Variants in PCDHGB6 observed in about 807,000 individuals in gnomAD.
PCDHGB6 encodes protocadherin gamma subfamily B, 6.
A neutral mutation model predicts 59.1 loss-of-function variants in PCDHGB6; 51 were observed. The observed-to-expected ratio is 0.86, with a 90% CI of 0.69 to 1.09. The LOEUF is 1.09. Among genes scored for constraint, PCDHGB6 ranks in the 50% least tolerant of loss-of-function variants. The pLI, the probability that PCDHGB6 is intolerant of heterozygous loss-of-function variation, is 0.00. For missense variants in PCDHGB6, 1,148 were observed against 1,205.1 expected (o/e 0.95, Z 0.70); for synonymous variants, 466 against 495.1 (o/e 0.94, Z 0.78).
At position 141,410,235 on chromosome 5, in the gene PCDHGB6, G is replaced by A. The variant is rs753193390; in HGVS notation, c.2033G>A (p.Arg678His). The A allele has an allele frequency of 1.2e-6, 2 of 1,613,970 alleles. No homozygotes were observed. The highest frequency in any genetic ancestry group is 1.1e-5 in the South Asian group (1 of 91,084). ...GAGATACTGCCAGACCTCAGCGACC[G>A]CCCTGTACTCTCTGACCCCCAGGCT... ...LQEILPDLSD[R>H]PVLSDPQAEL... The change falls in exon 1 of 4, where the codon CGC (arginine) becomes CAC (histidine). Residue 678 changes from arginine (R) to histidine (H), a missense_variant. Arg to His is a conservative substitution (Grantham distance 29, BLOSUM62 0). Transcript: ENST00000520790.
At chr5:141,421,449 G>A (rs2096574013) in intron 1 of PCDHGB6, 2 of 1,614,010 alleles carry the variant, frequency 1.2e-6, no homozygotes, top group African/African-American at 1.3e-5. Flanking sequence ...GGAAGACACA[G>A]CTTTTCGCTG....
intron 1 of PCDHGB6, among the ~76,000 whole-genome samples, chr5:141,450,322 T>A (rs1246284108): frequency 6.6e-6 from 1 of 152,106 alleles, no homozygotes; most frequent in African/African-American, 2.4e-5. Context: ...CTAGTTGCCA[T>A]GTCTCTTTAA....
At chr5:141,419,159 T>G in intron 1 of PCDHGB6, 1 of 1,613,916 alleles carries the variant, frequency 6.2e-7, no homozygotes, top group Non-Finnish European at 8.5e-7. Flanking sequence ...TCCGTTATCC[T>G]CCAGCAAAAC....
intron 3 of PCDHGB6, 46 bp downstream of exon 3, chr5:141,505,527 T>C: frequency 6.2e-7 from 1 of 1,612,388 alleles, no homozygotes; most frequent in Non-Finnish European, 8.5e-7. Context: ...GACCTGGGGT[T>C]CTGGGGTGCA....
At position 141,431,580 on chromosome 5, in the gene PCDHGB6, A is replaced by G. The variant is rs777990962; in HGVS notation, c.2418+20960A>G. ...GCTACCGACCCTGACGAAGGAGTCA[A>G]TGCGGAAGTGAGGTATTCCTTCCGG... On this transcript the variant is annotated intron_variant, in intron 1 of 3. Coordinates refer to ENST00000520790, the MANE Select transcript of PCDHGB6 (RefSeq NM_018926.3). The surrounding 1 kb of genome is among the most constrained non-coding windows in gnomAD (Gnocchi z 4.8). 1.2e-5 allele frequency: 19 copies of G among 1,614,098 alleles called. No homozygotes were observed. Among genetic ancestry groups the G allele is most frequent in the Non-Finnish European group, 1.5e-5 (18 of 1,180,040 alleles).
At position 141,485,257 on chromosome 5, in the gene PCDHGB6, T is replaced by G. The variant is rs1251686604; in HGVS notation, c.2419-9550T>G. 1.9e-6 allele frequency: 3 copies of G among 1,614,036 alleles called. No homozygotes were observed. The highest frequency in any genetic ancestry group is 2.5e-6 in the Non-Finnish European group (3 of 1,180,006). ...TCTTTTACCACCTGGGTTACGTTTG[T>G]GGGCAGATCCGCTACCCGGTCCCAG... On this transcript the variant is annotated intron_variant, in intron 1 of 3. Coordinates refer to ENST00000520790, the MANE Select transcript of PCDHGB6 (RefSeq NM_018926.3). The surrounding 1 kb of genome is among the most constrained non-coding windows in gnomAD (Gnocchi z 5.7).
chr5:141,500,571 C>T (rs1171231755), intron 2 of PCDHGB6, among the ~76,000 whole-genome samples: 1 of 152,196 alleles, frequency 6.6e-6, no homozygotes, highest in African/African-American at 2.4e-5. Context: ...GTCACACTTT[C>T]ATGTGACACT....
rs747671382 is a variant in PCDHGB6, at chr5:141,444,152, A to ATTTT, written c.2418+33565_2418+33568dup. Among the ~76,000 whole-genome samples the ATTTT allele has an allele frequency of 5.0e-4, 17 of 33,898 alleles. 5 individuals carry two copies. Among genetic ancestry groups the ATTTT allele is most frequent in the African/African-American group, 7.0e-4 (5 of 7,184 alleles). 22.2% of individuals were successfully genotyped at this position (33,898 alleles called of 152,430 possible). ...GATATGTGTCACTTGTGTGTACTGG[A>ATTTT]TTTTTTTTTTTTTTTTTTTTTTTTT... On this transcript the variant is annotated intron_variant, in intron 1 of 3. Transcript: ENST00000520790.
chr5:141,420,364 A>G (rs942479456), intron 1 of PCDHGB6: 8 of 1,368,440 alleles, frequency 5.8e-6, no homozygotes, highest in African/African-American at 3.0e-5. Flanking sequence ...ATTCTAGATA[A>G]CTTCTTCATA....
chr5:141,497,831 C>T (rs1336808833), intron 2 of PCDHGB6, among the ~76,000 whole-genome samples: 1 of 152,162 alleles, frequency 6.6e-6, no homozygotes, highest in Non-Finnish European at 1.5e-5. Flanking sequence ...TGATCGCCCC[C>T]GGCCACAACA....
Position 141,408,920 on chromosome 5 carries a change from C to T in PCDHGB6, c.718C>T (p.Pro240Ser), listed in dbSNP as rs772932702. The change falls in exon 1 of 4, where the codon CCG (proline) becomes TCG (serine). Residue 240 changes from proline (P) to serine (S), a missense_variant. Physicochemically the swap from Pro to Ser is moderately conservative, Grantham distance 74. Coordinates refer to ENST00000520790, the MANE Select transcript of PCDHGB6 (RefSeq NM_018926.3). ...ISVKDTNDNP[P>S]VFSRDEYRIS... ...TGTCAAGGATACCAATGATAACCCC[C>T]CGGTTTTCAGCAGAGACGAATATAG... The T allele has an allele frequency of 1.9e-6, 3 of 1,613,506 alleles. No individual in the cohort carries two copies. Among genetic ancestry groups the T allele is most frequent in the Admixed American group, 1.7e-5 (1 of 59,954 alleles).
intron 1 of PCDHGB6, chr5:141,415,888 T>C: frequency 1.1e-6 from 1 of 940,220 alleles, no homozygotes; most frequent in South Asian, 2.9e-5. Flanking sequence ...ATATTGACAA[T>C]TCCTAAGACA....
chr5:141,460,834 A>G (rs757757290), intron 1 of PCDHGB6, among the ~76,000 whole-genome samples: 11 of 151,874 alleles, frequency 7.2e-5, no homozygotes, highest in Non-Finnish European at 1.3e-4. Context: ...CACTTAAAGT[A>G]ATGGCCTCCA....
chr5:141,417,618 G>A (rs370911891), intron 1 of PCDHGB6: 3 of 654,230 alleles, frequency 4.6e-6, no homozygotes, highest in Non-Finnish European at 7.4e-6. Context: ...CCAGTGCAGA[G>A]CAAGCGCTGA....
chr5:141,423,177 C>G (rs748689237), intron 1 of PCDHGB6: 7 of 1,613,430 alleles, frequency 4.3e-6, no homozygotes, highest in Non-Finnish European at 5.1e-6. Context: ...TCCAGGACCA[C>G]GGCCAGCCCC....
At chr5:141,421,218 A>G (rs969154252) in intron 1 of PCDHGB6, 1 of 1,570,664 alleles carries the variant, frequency 6.4e-7, no homozygotes, top group Admixed American at 1.9e-5. Flanking sequence ...ATATCGGCTT[A>G]GAGCCTGCCA....
chr5:141,487,530 T>C lies in PCDHGB6; in HGVS notation c.2419-7277T>C. The stretch of plus-strand genomic sequence containing the variant: ...GCACCCACTCGGAGTGATAGCTTCA[T>C]GATGGTGAAGTCACCCAGTGCACCT... On this transcript the variant is annotated intron_variant, in intron 1 of 3. Coordinates refer to ENST00000520790, the MANE Select transcript of PCDHGB6 (RefSeq NM_018926.3). This position sits in a 1 kb window ranked among gnomAD's most constrained non-coding sequence, Gnocchi z 5.0. The C allele has an allele frequency of 6.2e-7, 1 of 1,614,218 alleles. No individual in the cohort carries two copies. The highest frequency in any genetic ancestry group is 8.5e-7 in the Non-Finnish European group (1 of 1,180,040).
At chr5:141,458,519 T>C (rs974750749) in intron 1 of PCDHGB6, among the ~76,000 whole-genome samples, 1 of 152,110 alleles carries the variant, frequency 6.6e-6, no homozygotes, top group Non-Finnish European at 1.5e-5. Context: ...CTTTGTTTTT[T>C]TTTTTAACTT....
rs539901154 is a variant in PCDHGB6, at chr5:141,413,036, T to C, written c.2418+2416T>C. 238 of 805,778 alleles carry C rather than the reference T, an allele frequency of 3.0e-4. 1 individual carries two copies. Among genetic ancestry groups the C allele is most frequent in the Non-Finnish European group, 4.2e-4 (226 of 532,568 alleles). 49.9% of individuals were successfully genotyped at this position (805,778 alleles called of 1,614,324 possible). On this transcript the variant is annotated intron_variant, in intron 1 of 3. Transcript: ENST00000520790. ...TACACAAGCCCCACAAACCGGCTGC[T>C]GGGCTGCAGGGAAGCTCACTCCAGA...
Sources: gnomAD v4.1 joint callset for allele counts (sites outside exome capture counted in the v4.1 genomes callset) on GRCh38, gnomAD v4.1.1 for gene constraint, Gnocchi (gnomAD v3.1) non-coding constraint, MANE v1.5 for transcripts, NCBI Gene and HGNC (gene_info 2026-07-23, HGNC 2026-07-21) for gene names.